The following POT1 variants were observed in gnomAD, a reference collection of about 807,000 sequenced individuals.
POT1 encodes protection of telomeres protein 1.
In POT1, 47 loss-of-function variants were observed where a neutral mutation model predicts 78.5. The ratio of observed to expected loss-of-function variants is 0.60; its 90% CI spans 0.47 to 0.76. The LOEUF is 0.76. Ranked by LOEUF, POT1 falls within the 30% of genes least tolerant of loss-of-function variation. The pLI, the probability that POT1 is intolerant of heterozygous loss-of-function variation, is 0.00. For synonymous variants in POT1, 259 were observed against 260.7 expected (o/e 0.99, Z 0.06); for missense variants, 646 against 749.9 (o/e 0.86, Z 1.62).
At chr7:124,878,344 G>A (rs879540604) in intron 6 of POT1, among the ~76,000 whole-genome samples, 1 of 151,874 alleles carries the variant, frequency 6.6e-6, no homozygotes, top group Non-Finnish European at 1.5e-5. Flanking sequence ...AAAGCAGGGG[G>A]TGGGGGGAAG....
At position 124,840,983 on chromosome 7, in the gene POT1, A is replaced by G. The variant is rs201869790; in HGVS notation, c.1359T>C (p.Leu453=). 8.1e-6 allele frequency: 13 copies of G among 1,598,804 alleles called. No individual in the cohort carries two copies. Among genetic ancestry groups the G allele is most frequent in the Non-Finnish European group, 1.1e-5 (13 of 1,167,554 alleles). The change falls in exon 14 of 19, where the codon CTT becomes CTC. Residue 453 remains leucine, a synonymous_variant. Coordinates refer to ENST00000357628, the MANE Select transcript of POT1 (RefSeq NM_015450.3). The part of the protein sequence containing the change: ...GILPLSNECL[L]LIEGGTLSEI... ...ACTTAAATATCTTACCTTCTATCAA[A>G]AGTAGACATTCATTTGAAAGCGGGA... is the stretch of plus-strand genomic sequence containing the variant.
At chr7:124,910,388 C>T (rs1052559935) in intron 3 of POT1, among the ~76,000 whole-genome samples, 1 of 151,822 alleles carries the variant, frequency 6.6e-6, no homozygotes, top group African/African-American at 2.4e-5. Context: ...AAATGTTAGC[C>T]TTAGAGGGTT....
chr7:124,896,431 A>T (rs1796492763), intron 5 of POT1, among the ~76,000 whole-genome samples: 1 of 151,756 alleles, frequency 6.6e-6, no homozygotes, highest in Non-Finnish European at 1.5e-5. Context: ...TTTTATTGGT[A>T]ACAGTTCCCC....
intron 3 of POT1, among the ~76,000 whole-genome samples, chr7:124,901,280 G>A (rs552206429): frequency 6.6e-6 from 1 of 152,256 alleles, no homozygotes; most frequent in South Asian, 2.1e-4. Flanking sequence ...ACACAGCTGG[G>A]TGCCCCTCTG....
At chr7:124,922,583 G>A (rs1252301156) in intron 2 of POT1, among the ~76,000 whole-genome samples, 1 of 151,932 alleles carries the variant, frequency 6.6e-6, no homozygotes, top group African/African-American at 2.4e-5. Context: ...AATAGTAGCT[G>A]TAAGTATACC....
intron 2 of POT1, among the ~76,000 whole-genome samples, chr7:124,924,122 C>A (rs6949341): frequency 0.61 from 87,061 of 141,980 alleles, 26,210 homozygotes; most frequent in African/African-American, 0.66. Flanking sequence ...AAAGAAATAA[C>A]AAAGATCAGA....
chr7:124,851,234 T>C (rs1431235149), intron 11 of POT1, among the ~76,000 whole-genome samples: 1 of 152,112 alleles, frequency 6.6e-6, no homozygotes, highest in Admixed American at 6.5e-5. Flanking sequence ...GCCCAGGAGT[T>C]TGAAGCCGCA....
intron 10 of POT1, 48 bp downstream of exon 10, chr7:124,852,924 C>A (rs372109607): frequency 2.0e-6 from 3 of 1,512,310 alleles, no homozygotes; most frequent in Non-Finnish European, 2.7e-6. Context: ...TCTTAGAAAT[C>A]GGCTTAATCG....
chr7:124,913,638 T>C (rs1324701482), intron 3 of POT1, among the ~76,000 whole-genome samples: 1 of 152,222 alleles, frequency 6.6e-6, no homozygotes, highest in Non-Finnish European at 1.5e-5. Flanking sequence ...CCATTTTAGT[T>C]AAATTTTGTA....
At chr7:124,887,477 T>A (rs1173359364) in intron 6 of POT1, among the ~76,000 whole-genome samples, 1 of 152,078 alleles carries the variant, frequency 6.6e-6, no homozygotes, top group Non-Finnish European at 1.5e-5. Flanking sequence ...TTTTCCCACA[T>A]CCACCTGACC....
At chr7:124,844,669 A>G (rs1358975184) in intron 12 of POT1, among the ~76,000 whole-genome samples, 1 of 142,524 alleles carries the variant, frequency 7.0e-6, no homozygotes, top group Non-Finnish European at 1.5e-5. Flanking sequence ...CGGAAGGCAG[A>G]GCTTGCAGTG....
intron 3 of POT1, chr7:124,900,915 C>G (rs7782525): frequency 0.55 from 155,947 of 285,924 alleles, 42,851 homozygotes; most frequent in African/African-American, 0.64. Context: ...ACAGCAGTCC[C>G]AGATTGAACT....
At chr7:124,894,623 G>T (rs1466874077) in intron 5 of POT1, among the ~76,000 whole-genome samples, 1 of 151,456 alleles carries the variant, frequency 6.6e-6, no homozygotes, top group African/African-American at 2.4e-5. Context: ...TTACAAGTTT[G>T]GTTAATGTAC....
Position 124,842,947 on chromosome 7 carries a change from C to A in POT1, c.1023G>T (p.Gln341His). 3 of 1,583,178 alleles carry A rather than the reference C, an allele frequency of 1.9e-6. No homozygotes were observed. Among genetic ancestry groups the A allele is most frequent in the Non-Finnish European group, 1.7e-6 (2 of 1,169,912 alleles). ...CACATAGTGGTGTCCTCTCCAAATA[C>A]TGATGATCTGTAAGTACTGTAAAGA... is the stretch of plus-strand genomic sequence containing the variant. ...QLSATILTDH[Q>H]YLERTPLCAI... The change falls in exon 13 of 19, where the codon CAG (glutamine) becomes CAT (histidine). Residue 341 changes from glutamine (Q) to histidine (H), a missense_variant. This residue lies in a region of POT1 where 394 missense variants were observed against 408.4 expected (regional missense o/e 0.96). Coordinates refer to ENST00000357628, the MANE Select transcript of POT1 (RefSeq NM_015450.3).
At chr7:124,891,812 C>G (rs1796378447) in intron 6 of POT1, among the ~76,000 whole-genome samples, 1 of 150,848 alleles carries the variant, frequency 6.6e-6, no homozygotes, top group Non-Finnish European at 1.5e-5. Flanking sequence ...CTACCCCCCA[C>G]CACACTTCAT....
chr7:124,830,405 G>A (rs1794731494), intron 15 of POT1, among the ~76,000 whole-genome samples: 1 of 152,060 alleles, frequency 6.6e-6, no homozygotes, highest in Non-Finnish European at 1.5e-5. Context: ...GAAAACAAGA[G>A]GGTAACCACA....
intron 6 of POT1, among the ~76,000 whole-genome samples, chr7:124,878,557 T>A (rs552893034): frequency 6.6e-6 from 1 of 152,310 alleles, no homozygotes; most frequent in Non-Finnish European, 1.5e-5. Context: ...CCACAATGTA[T>A]ACACGTATCT....
intron 6 of POT1, among the ~76,000 whole-genome samples, chr7:124,877,287 A>G (rs1796010968): frequency 6.6e-6 from 1 of 152,182 alleles, no homozygotes; most frequent in South Asian, 2.1e-4. Flanking sequence ...AAACCTGACA[A>G]AACTATCAAT....
chr7:124,851,302 C>G (rs1188525177), intron 11 of POT1, among the ~76,000 whole-genome samples: 1 of 151,904 alleles, frequency 6.6e-6, no homozygotes, highest in African/African-American at 2.4e-5. Context: ...GACACTGTCT[C>G]TTAAACAAAC....
Sources: allele counts gnomAD v4.1 joint callset (sites outside exome capture counted in the v4.1 genomes callset), GRCh38; gene constraint gnomAD v4.1.1; regional missense constraint gnomAD v4.1.1; transcripts MANE v1.5; gene names NCBI Gene and HGNC (gene_info 2026-07-23, HGNC 2026-07-21).